The following TACC2 variants were observed in gnomAD, a reference collection of about 807,000 sequenced individuals.
TACC2 encodes the protein transforming acidic coiled-coil containing protein 2, also known as transforming acidic coiled-coil-containing protein 2.
TACC2 carries 137 observed loss-of-function variants against 227.3 expected under a neutral mutation model. The observed-to-expected ratio is 0.60, with a 90% CI of 0.52 to 0.69. The LOEUF (loss-of-function observed/expected upper bound fraction) is 0.69, where lower values mean the gene tolerates loss of function less well. Among genes scored for constraint, TACC2 ranks in the 30% least tolerant of loss-of-function variants. The pLI is 0.00. For synonymous variants in TACC2, 1,523 were observed against 1,487.5 expected (o/e 1.02, Z -0.55); for missense variants, 3,470 against 3,694.4 (o/e 0.94, Z 1.57).
At position 122,082,727 on chromosome 10, in the gene TACC2, A is replaced by G; in HGVS notation, c.227A>G (p.Glu76Gly). 1 of 1,614,040 alleles carries G rather than the reference A, an allele frequency of 6.2e-7. No homozygotes were observed. Among genetic ancestry groups the G allele is most frequent in the South Asian group, 1.1e-5 (1 of 91,072 alleles). The change falls in exon 4 of 23, where the codon GAG becomes GGG. Residue 76 changes from glutamate to glycine, a missense_variant. Physicochemically the swap from Glu to Gly is moderately conservative, Grantham distance 98. Transcript: ENST00000369005. ...CTGGATCCATGCCTTGTGTCCCCAGAGGTGACTGAGCCAAGGAAGGACCCA... is the reference window on the plus strand; with the variant it reads ...CTGGATCCATGCCTTGTGTCCCCAGGGGTGACTGAGCCAAGGAAGGACCCA... The part of the protein sequence containing the change: ...ASLDPCLVSP[E>G]VTEPRKDPQG...
At chr10:122,044,240 G>T (rs1047950903) in intron 2 of TACC2, among the ~76,000 whole-genome samples, 2 of 152,240 alleles carry the variant, frequency 1.3e-5, no homozygotes, top group African/African-American at 4.8e-5. Context: ...CCTTTCGCTT[G>T]TTGGCCTGAC....
intron 3 of TACC2, among the ~76,000 whole-genome samples, chr10:122,075,195 AAAAAAAAAG>A (rs1451154337): frequency 1.8e-5 from 2 of 108,862 alleles, no homozygotes; most frequent in African/African-American, 8.6e-5. Context: ...TGCCAAAAAA[AAAAAAAAAG>A]AAAGAAAGAA....
At position 122,221,913 on chromosome 10, in the gene TACC2, G is replaced by T. The variant is rs1251905453; in HGVS notation, c.7547-2813G>T. Among the ~76,000 whole-genome samples the T allele has an allele frequency of 2.6e-5, 4 of 152,288 alleles. No homozygotes were observed. In the East Asian group the frequency reaches 5.8e-4, roughly 22 times the overall value. ...TGGCTTCTGCATGGGGCTCTTTCCTGTTCCTAGCAAGCCCCCAGCAATTAG... is the reference window on the plus strand; with the variant it reads ...TGGCTTCTGCATGGGGCTCTTTCCTTTTCCTAGCAAGCCCCCAGCAATTAG... On this transcript the variant is annotated intron_variant, in intron 11 of 22. Coordinates refer to ENST00000369005, the MANE Select transcript of TACC2 (RefSeq NM_206862.4).
intron 3 of TACC2, among the ~76,000 whole-genome samples, chr10:122,080,938 A>G (rs1458041276): frequency 1.3e-5 from 2 of 152,196 alleles, no homozygotes; most frequent in African/African-American, 4.8e-5. Flanking sequence ...TATTTCCCCT[A>G]TAATAACTTT....
intron 18 of TACC2, among the ~76,000 whole-genome samples, chr10:122,240,640 G>A (rs1215399139): frequency 6.6e-6 from 1 of 152,128 alleles, no homozygotes; most frequent in African/African-American, 2.4e-5. Context: ...CAAGCTCAGC[G>A]GGATCCCAGG....
At chr10:122,126,220 G>C (rs980295268) in intron 5 of TACC2, among the ~76,000 whole-genome samples, 5 of 152,080 alleles carry the variant, frequency 3.3e-5, no homozygotes, top group African/African-American at 1.2e-4. Context: ...TACTGTAAGG[G>C]GGGGCTTTCC....
intron 10 of TACC2, among the ~76,000 whole-genome samples, chr10:122,216,225 A>G (rs2095402628): frequency 6.6e-6 from 1 of 152,048 alleles, no homozygotes; most frequent in South Asian, 2.1e-4. Context: ...TGGAGATAAG[A>G]TCCCCCTTTT....
At chr10:122,117,015 T>A (rs946345245) in intron 5 of TACC2, among the ~76,000 whole-genome samples, 4 of 151,976 alleles carry the variant, frequency 2.6e-5, no homozygotes, top group Non-Finnish European at 5.9e-5. Context: ...ACTGCTATTA[T>A]CATTAATACT....
rs778606346 is a variant in TACC2, at chr10:122,143,649, G to T, written c.5777G>T (p.Gly1926Val). ...EHIVSPSAPA[G>V]DRVEASTPSC... ...ATAGTTTCGCCATCTGCCCCAGCTG[G>T]TGACAGAGTAGAAGCTTCCACTCCC... is the stretch of plus-strand genomic sequence containing the variant. Residue 1926 changes from glycine (G) to valine (V), a missense_variant, in exon 7 of 23, where the codon GGT (glycine) becomes GTT (valine). Physicochemically the swap from Gly to Val is moderately radical, Grantham distance 109. Coordinates refer to ENST00000369005, the MANE Select transcript of TACC2 (RefSeq NM_206862.4). The T allele has an allele frequency of 3.7e-6, 6 of 1,614,192 alleles. No homozygotes were observed. The highest frequency in any genetic ancestry group is 4.2e-6 in the Non-Finnish European group (5 of 1,180,036).
In TACC2 at chr10:122,219,753, T is replaced by C. The variant is rs115007673; in HGVS notation, c.7546+2925T>C. Among the ~76,000 whole-genome samples the C allele has an allele frequency of 2.8e-3, 423 of 152,158 alleles. 2 individuals carry two copies. The highest frequency in any genetic ancestry group is 9.8e-3 in the African/African-American group (406 of 41,530). On this transcript the variant is annotated intron_variant, in intron 11 of 22. Coordinates refer to ENST00000369005, the MANE Select transcript of TACC2 (RefSeq NM_206862.4). ...AAGCATTTAGAAACCATCCTGAGGT[T>C]GGGGCCGGGCGTGGTGGCTCACACC...
chr10:122,170,081 T>G (rs2093390510), intron 7 of TACC2, among the ~76,000 whole-genome samples: 1 of 152,042 alleles, frequency 6.6e-6, no homozygotes, highest in African/African-American at 2.4e-5. Context: ...ATATCTCCTC[T>G]TGGATTTCTC....
intron 8 of TACC2, among the ~76,000 whole-genome samples, chr10:122,203,326 G>T (rs1046571413): frequency 3.0e-5 from 4 of 134,964 alleles, no homozygotes; most frequent in African/African-American, 1.4e-4. Context: ...GGGCAGAGGC[G>T]CCCCTCACTT....
rs185039656 is a variant in TACC2, at chr10:122,220,654, C to G, written c.7546+3826C>G. The stretch of plus-strand genomic sequence containing the variant: ...TGATGTGAGACTTACACTAAAGTCA[C>G]CAACCACAGGAAAAGGAAATGTTGG... On this transcript the variant is annotated intron_variant, in intron 11 of 22. Transcript: ENST00000369005. 1.6e-4 allele frequency among the ~76,000 whole-genome samples: 24 copies of G among 152,240 alleles called. No homozygotes were observed. The East Asian group carries it at 4.4e-3, about 28-fold the overall frequency.
chr10:122,029,037 A>G lies in TACC2; in HGVS notation c.33+7023A>G, dbSNP rs866915880. Among the ~76,000 whole-genome samples, 502 of 106,988 alleles carry G rather than the reference A, an allele frequency of 4.7e-3. 4 individuals carry two copies. Among genetic ancestry groups the G allele is most frequent in the African/African-American group, 0.019 (485 of 25,482 alleles). The allele number at this position is 106,988 out of a possible 152,430, so 70.2% of individuals were successfully genotyped here. A position where few individuals can be genotyped will look rare whatever the true frequency, so the allele number is the denominator to read the frequency against. On this transcript the variant is annotated intron_variant, in intron 2 of 22. Coordinates refer to ENST00000369005, the MANE Select transcript of TACC2 (RefSeq NM_206862.4). ...CCTTCCCTTCCCGTCTTTCTTCTTT[A>G]TTACAGTGGCTGGGACTTTCAGTCC...
At chr10:122,074,414 A>T (rs1266604071) in intron 3 of TACC2, among the ~76,000 whole-genome samples, 1 of 152,098 alleles carries the variant, frequency 6.6e-6, no homozygotes, top group Non-Finnish European at 1.5e-5. Context: ...TAGCAGTCAT[A>T]TATTAGAAGC....
chr10:122,181,245 G>A (rs755561145), intron 7 of TACC2, among the ~76,000 whole-genome samples: 16 of 152,184 alleles, frequency 1.1e-4, no homozygotes, highest in Non-Finnish European at 2.1e-4. Context: ...CATGTTGGAG[G>A]GGGCATTGTT....
intron 7 of TACC2, among the ~76,000 whole-genome samples, chr10:122,162,018 C>T (rs1435187185): frequency 2.6e-5 from 4 of 152,228 alleles, no homozygotes; most frequent in Admixed American, 6.5e-5. Flanking sequence ...CAGTGAGTGA[C>T]GGCTTCCCCG....
intron 2 of TACC2, among the ~76,000 whole-genome samples, chr10:122,047,105 A>G (rs1449944605): frequency 2.6e-5 from 4 of 151,642 alleles, no homozygotes; most frequent in Non-Finnish European, 4.4e-5. Context: ...CCTGGCCAAT[A>G]TGGTGAAACC....
chr10:121,995,963 A>G (rs1465388626), intron 1 of TACC2, among the ~76,000 whole-genome samples: 2 of 152,178 alleles, frequency 1.3e-5, no homozygotes, highest in Admixed American at 6.5e-5. Context: ...CCTGCTGGCC[A>G]GGCTGGTCTC....
Sources: allele counts gnomAD v4.1 joint callset (sites outside exome capture counted in the v4.1 genomes callset), GRCh38; gene constraint gnomAD v4.1.1; transcripts MANE v1.5; gene names NCBI Gene and HGNC (gene_info 2026-07-23, HGNC 2026-07-21).